The following MRPS30 variants were observed in gnomAD, a reference collection of about 807,000 sequenced individuals.
MRPS30 encodes large ribosomal subunit protein mL65.
A neutral mutation model predicts 43.8 loss-of-function variants in MRPS30; 42 were observed. That is an observed-to-expected ratio of 0.96 (90% CI 0.75 to 1.24). The LOEUF (loss-of-function observed/expected upper bound fraction) is 1.24, where lower values mean the gene tolerates loss of function less well. Ranked by LOEUF, MRPS30 falls within the 50% of genes most tolerant of loss-of-function variation. The pLI, the probability that MRPS30 is intolerant of heterozygous loss-of-function variation, is 0.00. For missense variants in MRPS30, 638 were observed against 570.0 expected (o/e 1.12, Z -1.22); for synonymous variants, 273 against 228.2 (o/e 1.20, Z -1.77).
intron 2 of MRPS30, 79 bp downstream of exon 2, chr5:44,811,233 T>C: frequency 6.8e-7 from 1 of 1,467,622 alleles, no homozygotes; most frequent in South Asian, 1.3e-5. Flanking sequence ...ATAGTCTTAG[T>C]AGAATAAAAT....
At chr5:44,813,902 G>A (rs12188871) in intron 4 of MRPS30, among the ~76,000 whole-genome samples, 57,436 of 151,888 alleles carry the variant, frequency 0.38, 11,155 homozygotes, top group East Asian at 0.54. Context: ...TAGGGGGGCA[G>A]GTATAAATGA....
At position 44,809,023 on chromosome 5, in the gene MRPS30, G is replaced by A. The variant is rs762161775; in HGVS notation, c.61G>A (p.Ala21Thr). Residue 21 changes from alanine (A) to threonine (T), a missense_variant, in exon 1 of 5, where the codon GCG (alanine) becomes ACG (threonine). Transcript: ENST00000507110. ...CGGTCCGAGGCTTTCATTGCACACC[G>A]CGGCTAATGCCGCCGCCACGGCTAC... ...LRGPRLSLHT[A>T]ANAAATATET... 3 of 1,609,794 alleles carry A rather than the reference G, an allele frequency of 1.9e-6. No individual in the cohort carries two copies. Among genetic ancestry groups the A allele is most frequent in the Admixed American group, 3.4e-5 (2 of 59,548 alleles).
rs79210252 is a variant in MRPS30 at position 44,815,280 on chromosome 5, C to A, written c.*78C>A. On this transcript the variant is annotated 3_prime_UTR_variant, in exon 5 of 5. Transcript: ENST00000507110. The stretch of plus-strand genomic sequence containing the variant: ...CAATAATGATGAGATTTGTAACTGT[C>A]AACTATTAAATACATTGATTTTTGA... 3,181 of 1,275,088 alleles carry A rather than the reference C, an allele frequency of 2.5e-3. 63 individuals carry two copies. The African/African-American group carries it at 0.042, about 17-fold the overall frequency. The allele number at this position is 1,275,088 out of a possible 1,614,324, so 79.0% of individuals were successfully genotyped here.
chr5:44,812,038 C>A lies in MRPS30; in HGVS notation c.853+18C>A. The A allele has an allele frequency of 6.7e-7, 1 of 1,503,034 alleles. No homozygotes were observed. Among genetic ancestry groups the A allele is most frequent in the Non-Finnish European group, 9.1e-7 (1 of 1,094,362 alleles). 93.1% of individuals were successfully genotyped at this position (1,503,034 alleles called of 1,614,324 possible). A position where few individuals can be genotyped will look rare whatever the true frequency, so the allele number is the denominator to read the frequency against. The stretch of plus-strand genomic sequence containing the variant: ...ATTTGTTGGTAAGTTTCTCTTTTGA[C>A]ATATTGTACCATAAATGTGTTCCAA... On this transcript the variant is annotated intron_variant, in intron 3 of 4. Transcript: ENST00000507110.
Position 44,809,049 on chromosome 5 carries a change from A to G in MRPS30, c.87A>G (p.Thr29=). ...CGGCTAATGCCGCCGCCACGGCTAC[A>G]GAAACGACCTGCCAAGACGTCGCGG... is the stretch of plus-strand genomic sequence containing the variant. ...HTAANAAATA[T]ETTCQDVAAT... Residue 29 remains threonine, a synonymous_variant, in exon 1 of 5, where the codon ACA becomes ACG. Coordinates refer to ENST00000507110, the MANE Select transcript of MRPS30 (RefSeq NM_016640.4). 2 of 1,610,896 alleles carry G rather than the reference A, an allele frequency of 1.2e-6. No homozygotes were observed. The highest frequency in any genetic ancestry group is 2.2e-5 in the East Asian group (1 of 44,804).
chr5:44,814,279 A>G (rs1274070684), intron 4 of MRPS30, among the ~76,000 whole-genome samples: 1 of 152,244 alleles, frequency 6.6e-6, no homozygotes, highest in Non-Finnish European at 1.5e-5. Context: ...ATTTTACTAC[A>G]TATTTGATTA....
In MRPS30 at chr5:44,815,246, C is replaced by G; in HGVS notation, c.*44C>G. ...GAACTGTGGGAATATTTAAATTTTACTGAAGGAACAATAATGATGAGATTT... is the reference window on the plus strand; with the variant it reads ...GAACTGTGGGAATATTTAAATTTTAGTGAAGGAACAATAATGATGAGATTT... On this transcript the variant is annotated 3_prime_UTR_variant, in exon 5 of 5. Coordinates refer to ENST00000507110, the MANE Select transcript of MRPS30 (RefSeq NM_016640.4). The G allele has an allele frequency of 6.8e-7, 1 of 1,461,400 alleles. No individual in the cohort carries two copies. Among genetic ancestry groups the G allele is most frequent in the Non-Finnish European group, 9.1e-7 (1 of 1,093,626 alleles). 90.5% of individuals were successfully genotyped at this position (1,461,400 alleles called of 1,614,324 possible). A position where few individuals can be genotyped will look rare whatever the true frequency, so the allele number is the denominator to read the frequency against.
At chr5:44,813,062 C>A (rs1742868348) in intron 3 of MRPS30, 44 bp from the exon 4 acceptor site, 1 of 1,576,746 alleles carries the variant, frequency 6.3e-7, no homozygotes, top group African/African-American at 1.4e-5. Context: ...TCCACATGTT[C>A]TACATGTTTG....
At chr5:44,814,801 TAAAGTATCTA>T in intron 4 of MRPS30, 102 bp from the exon 5 acceptor site, 1 of 960,922 alleles carries the variant, frequency 1.0e-6, no homozygotes, top group Non-Finnish European at 1.6e-6. Context: ...TTTTGTTACA[TAAAGTATCTA>T]AGTTGTAGGA....
intron 1 of MRPS30, among the ~76,000 whole-genome samples, chr5:44,810,503 C>T (rs774480959): frequency 6.6e-6 from 1 of 152,170 alleles, no homozygotes; most frequent in Non-Finnish European, 1.5e-5. Flanking sequence ...GTGTGCTCAA[C>T]CTAGCCTTGT....
At position 44,809,200 on chromosome 5, in the gene MRPS30, C is replaced by A. The variant is rs373854638; in HGVS notation, c.238C>A (p.Leu80Met). 1.1e-5 allele frequency: 18 copies of A among 1,613,176 alleles called. No homozygotes were observed. The African/African-American group carries it at 2.3e-4, about 20-fold the overall frequency. Residue 80 changes from leucine (L) to methionine (M), a missense_variant, in exon 1 of 5, where the codon CTG becomes ATG. By Grantham distance (15) the Leu-to-Met change is conservative. Transcript: ENST00000507110. The part of the protein sequence containing the change: ...VHAAESVDEK[L>M]RILTKMQFMK... The stretch of plus-strand genomic sequence containing the variant: ...CGCTGCGGAGTCGGTAGACGAGAAG[C>A]TGCGAATCCTCACCAAGATGCAGTT...
At chr5:44,809,760 G>T in intron 1 of MRPS30, 197 bp downstream of exon 1, 3 of 591,244 alleles carry the variant, frequency 5.1e-6, no homozygotes, top group Non-Finnish European at 8.7e-6. Context: ...GTGTGTGGCT[G>T]CGCTAACACC....
chr5:44,813,472 G>A, intron 4 of MRPS30, 190 bp downstream of exon 4: 3 of 456,120 alleles, frequency 6.6e-6, no homozygotes, highest in Non-Finnish European at 1.1e-5. Flanking sequence ...TGACACTGAG[G>A]TAGTTGTTTT....
chr5:44,812,326 C>T (rs768906548), intron 3 of MRPS30, among the ~76,000 whole-genome samples: 18 of 152,060 alleles, frequency 1.2e-4, no homozygotes, highest in Non-Finnish European at 1.8e-4. Flanking sequence ...ACTTTTAGAA[C>T]TGGACTTGAG....
chr5:44,809,382 G>C lies in MRPS30; in HGVS notation c.420G>C (p.Ala140=). 4 of 1,608,758 alleles carry C rather than the reference G, an allele frequency of 2.5e-6. No individual in the cohort carries two copies. The highest frequency in any genetic ancestry group is 3.4e-6 in the Non-Finnish European group (4 of 1,177,562). Residue 140 remains alanine, a synonymous_variant, in exon 1 of 5, where the codon GCG becomes GCC. Coordinates refer to ENST00000507110, the MANE Select transcript of MRPS30 (RefSeq NM_016640.4). ...EPEPEPALDL[A]ALRAVACDCL... is the part of the protein sequence containing the mutation. The stretch of plus-strand genomic sequence containing the variant: ...AACCTGAACCTGCGCTGGACCTCGC[G>C]GCGCTGCGTGCGGTCGCCTGCGACT...
Position 44,808,962 on chromosome 5 carries a change from G to A in MRPS30, c.-1G>A. ...CTCTGGGTCCGGAATCGCGGGCAAA[G>A]ATGGCGGCGGCCAGGTGTTGGAGGC... is the stretch of plus-strand genomic sequence containing the variant. On this transcript the variant is annotated 5_prime_UTR_variant, in exon 1 of 5. Coordinates refer to ENST00000507110, the MANE Select transcript of MRPS30 (RefSeq NM_016640.4). 1 of 1,590,486 alleles carries A rather than the reference G, an allele frequency of 6.3e-7. No homozygotes were observed. Among genetic ancestry groups the A allele is most frequent in the Non-Finnish European group, 8.5e-7 (1 of 1,169,788 alleles).
chr5:44,811,108 A>G lies in MRPS30; in HGVS notation c.701A>G (p.Asp234Gly), dbSNP rs768623431. The change falls in exon 2 of 5, where the codon GAT becomes GGT. Residue 234 changes from aspartate (D) to glycine (G), a missense_variant. Transcript: ENST00000507110. The stretch of plus-strand genomic sequence containing the variant: ...ATTGATGACTTGCGATACCAGATAG[A>G]TGATAAACCAAACAACCAGATTCGA... Reference protein sequence around the residue: ...GRIDDLRYQIDDKPNNQIRIS... With the variant: ...GRIDDLRYQIGDKPNNQIRIS... 2.5e-6 allele frequency: 4 copies of G among 1,614,092 alleles called. No individual in the cohort carries two copies. Among genetic ancestry groups the G allele is most frequent in the Non-Finnish European group, 3.4e-6 (4 of 1,179,974 alleles).
rs1183423374 is a variant in MRPS30, at chr5:44,809,184, G to T, written c.222G>T (p.Glu74Asp). 1 of 1,612,776 alleles carries T rather than the reference G, an allele frequency of 6.2e-7. No individual in the cohort carries two copies. Among genetic ancestry groups the T allele is most frequent in the Non-Finnish European group, 8.5e-7 (1 of 1,179,750 alleles). Residue 74 changes from glutamate (E) to aspartate (D), a missense_variant, in exon 1 of 5, where the codon GAG (glutamate) becomes GAT (aspartate). Physicochemically the swap from Glu to Asp is conservative, Grantham distance 45. Coordinates refer to ENST00000507110, the MANE Select transcript of MRPS30 (RefSeq NM_016640.4). ...ERWQATVHAA[E>D]SVDEKLRILT... ...GGCAGGCGACGGTGCACGCTGCGGA[G>T]TCGGTAGACGAGAAGCTGCGAATCC... is the stretch of plus-strand genomic sequence containing the variant.
intron 2 of MRPS30, 52 bp downstream of exon 2, chr5:44,811,206 C>T: frequency 6.3e-7 from 1 of 1,584,126 alleles, no homozygotes; most frequent in Non-Finnish European, 8.6e-7. Context: ...TAGGATTTGT[C>T]ATAGGCAGGT....
Sources: allele counts gnomAD v4.1 joint callset (sites outside exome capture counted in the v4.1 genomes callset), GRCh38; gene constraint gnomAD v4.1.1; transcripts MANE v1.5; gene names NCBI Gene and HGNC (gene_info 2026-07-23, HGNC 2026-07-21).